The following PEX7 variants were observed in gnomAD, a reference collection of about 807,000 sequenced individuals.
PEX7 encodes the protein PTS2 receptor.
A neutral mutation model predicts 47.5 loss-of-function variants in PEX7; 34 were observed. The ratio of observed to expected loss-of-function variants is 0.72; its 90% CI spans 0.54 to 0.95. PEX7 has a LOEUF of 0.95. PEX7 is among the 40% of genes least tolerant of loss of function. PEX7 has a pLI of 0.00. For synonymous variants in PEX7, 141 were observed against 148.8 expected, an observed-to-expected ratio of 0.95 and a Z score of 0.38; for missense variants, 394 against 400.3, an observed-to-expected ratio of 0.98 and a Z score of 0.13.
intron 5 of PEX7, among the ~76,000 whole-genome samples, chr6:136,859,285 A>G (rs1026960812): frequency 6.6e-6 from 1 of 152,200 alleles, no homozygotes; most frequent in African/African-American, 2.4e-5. Flanking sequence ...AAGACATTGC[A>G]TTTTGCCTAA....
At chr6:136,894,917 C>G (rs1004825125) in intron 8 of PEX7, among the ~76,000 whole-genome samples, 2 of 152,170 alleles carry the variant, frequency 1.3e-5, no homozygotes, top group Non-Finnish European at 2.9e-5. Context: ...TATTTGACCA[C>G]TTAATGATAT....
At chr6:136,878,227 G>A (rs960068031) in intron 8 of PEX7, among the ~76,000 whole-genome samples, 9 of 152,134 alleles carry the variant, frequency 5.9e-5, no homozygotes, top group Non-Finnish European at 1.0e-4. Context: ...GGCTTTCTAA[G>A]TATACAATCA....
chr6:136,862,129 T>A (rs1467147296), intron 5 of PEX7, among the ~76,000 whole-genome samples: 1 of 148,502 alleles, frequency 6.7e-6, no homozygotes, highest in Non-Finnish European at 1.5e-5. Context: ...TTAAGGGGCG[T>A]GATCTCAGCT....
chr6:136,841,464 G>T (rs1196372377), intron 3 of PEX7, among the ~76,000 whole-genome samples: 2 of 152,112 alleles, frequency 1.3e-5, no homozygotes, highest in African/African-American at 4.8e-5. Flanking sequence ...TTTCACCTCT[G>T]CTTTTTGCCT....
chr6:136,823,618 C>T (rs1296292956), intron 1 of PEX7, among the ~76,000 whole-genome samples: 1 of 152,018 alleles, frequency 6.6e-6, no homozygotes, highest in East Asian at 1.9e-4. Flanking sequence ...AAGCGCCGTG[C>T]GGTGGCTCAC....
At chr6:136,828,898 C>T (rs542318116) in intron 3 of PEX7, among the ~76,000 whole-genome samples, 3 of 152,192 alleles carry the variant, frequency 2.0e-5, no homozygotes, top group Non-Finnish European at 4.4e-5. Flanking sequence ...TTACATCATT[C>T]TGTGATTTTG....
At chr6:136,855,347 C>CTT (rs34297697) in intron 5 of PEX7, among the ~76,000 whole-genome samples, 54 of 140,542 alleles carry the variant, frequency 3.8e-4, no homozygotes, top group African/African-American at 1.2e-3. Flanking sequence ...TTTCTTCTTC[C>CTT]TTTTTTTTTT....
intron 1 of PEX7, chr6:136,823,110 G>C (rs1774114266): frequency 8.1e-6 from 8 of 985,446 alleles, no homozygotes; most frequent in Non-Finnish European, 9.6e-6. Flanking sequence ...TCCCCGTAGG[G>C]AGAGCCGGGG....
At chr6:136,907,685 AT>A in intron 9 of PEX7, among the ~76,000 whole-genome samples, 1 of 152,270 alleles carries the variant, frequency 6.6e-6, no homozygotes, top group Non-Finnish European at 1.5e-5. Context: ...AAAGCTCCTA[AT>A]GAGTCAGTTG....
chr6:136,896,414 G>A (rs1447286773), intron 8 of PEX7, among the ~76,000 whole-genome samples: 1 of 152,144 alleles, frequency 6.6e-6, no homozygotes, highest in Non-Finnish European at 1.5e-5. Context: ...AGCTGACAAA[G>A]CATCTGTATG....
At chr6:136,823,463 C>A (rs1041228499) in intron 1 of PEX7, 1 of 554,284 alleles carries the variant, frequency 1.8e-6, no homozygotes, top group Non-Finnish European at 2.3e-6. Flanking sequence ...GAGGCTGAGG[C>A]GGGAGGATCG....
chr6:136,846,254 C>A (rs1774598864), intron 5 of PEX7, 73 bp downstream of exon 5: 2 of 800,772 alleles, frequency 2.5e-6, no homozygotes, highest in Non-Finnish European at 4.3e-6. Context: ...TTAGGTGGCG[C>A]TGTGTACCTT....
In PEX7 at chr6:136,826,424, C is replaced by T; in HGVS notation, c.294C>T (p.Ala98=). The change falls in exon 3 of 10, where the codon GCC becomes GCT. Residue 98 remains alanine (A), a synonymous_variant. Coordinates refer to ENST00000318471, the MANE Select transcript of PEX7 (RefSeq NM_000288.4). ...GDGSLQLWDT[A]KAAGPLQVYK... ...GCTCGCTGCAGCTCTGGGACACTGC[C>T]AAAGCTGCAGGGCCACTGCAAGTCT... The T allele has an allele frequency of 6.2e-7, 1 of 1,613,760 alleles. No individual in the cohort carries two copies. Among genetic ancestry groups the T allele is most frequent in the Non-Finnish European group, 8.5e-7 (1 of 1,179,978 alleles).
intron 5 of PEX7, 107 bp from the exon 6 acceptor site, chr6:136,866,520 A>G: frequency 1.1e-6 from 1 of 891,778 alleles, no homozygotes; most frequent in Non-Finnish European, 1.8e-6. Flanking sequence ...GCAATATCCT[A>G]ACACTGAAAG....
At chr6:136,829,248 T>A (rs1774250449) in intron 3 of PEX7, among the ~76,000 whole-genome samples, 1 of 152,226 alleles carries the variant, frequency 6.6e-6, no homozygotes, top group Non-Finnish European at 1.5e-5. Flanking sequence ...GGGTGCCTTA[T>A]AAAGAACAGA....
intron 8 of PEX7, among the ~76,000 whole-genome samples, chr6:136,893,424 C>T (rs539209954): frequency 6.6e-6 from 1 of 152,336 alleles, no homozygotes; most frequent in Admixed American, 6.5e-5. Context: ...ATGTCACTTC[C>T]TCAGGACGTC....
chr6:136,833,287 C>T (rs1408013058), intron 3 of PEX7, among the ~76,000 whole-genome samples: 3 of 152,110 alleles, frequency 2.0e-5, no homozygotes, highest in Non-Finnish European at 2.9e-5. Flanking sequence ...TGAAAACTCA[C>T]GATCACTAGA....
At chr6:136,880,057 G>C (rs886410728) in intron 8 of PEX7, among the ~76,000 whole-genome samples, 3 of 149,958 alleles carry the variant, frequency 2.0e-5, no homozygotes, top group Admixed American at 6.6e-5. Context: ...TTTCTTCCAT[G>C]TCCCTAAATG....
intron 9 of PEX7, among the ~76,000 whole-genome samples, chr6:136,912,142 G>C (rs750455941): frequency 1.3e-5 from 2 of 152,198 alleles, no homozygotes. Flanking sequence ...CTTGATACAA[G>C]TTGTCAGGTG....
Sources: gnomAD v4.1 joint callset for allele counts (sites outside exome capture counted in the v4.1 genomes callset) on GRCh38, gnomAD v4.1.1 for gene constraint, MANE v1.5 for transcripts, NCBI Gene and HGNC (gene_info 2026-07-23, HGNC 2026-07-21) for gene names.